PCDH15: variants seen among roughly 807,000 people sequenced by gnomAD.
The protein encoded by PCDH15 is protocadherin-15.
PCDH15 carries 129 observed loss-of-function variants against 178.5 expected under a neutral mutation model. The ratio of observed to expected loss-of-function variants is 0.72; its 90% CI spans 0.63 to 0.84. The LOEUF (loss-of-function observed/expected upper bound fraction) is 0.84, where lower values mean the gene tolerates loss of function less well. PCDH15 is among the 40% of genes least tolerant of loss of function. The pLI, the probability that PCDH15 is intolerant of heterozygous loss-of-function variation, is 0.00. For synonymous variants in PCDH15, 800 were observed against 732.0 expected (o/e 1.09, Z -1.50); for missense variants, 2,230 against 2,099.9 (o/e 1.06, Z -1.21).
chr10:54,870,781 C>G (rs370557904), intron 3 of PCDH15, among the ~76,000 whole-genome samples: 24 of 138,942 alleles, frequency 1.7e-4, no homozygotes, highest in African/African-American at 3.0e-4. Context: ...GAGAGACTCC[C>G]TCTCAAAAAA....
intron 8 of PCDH15, among the ~76,000 whole-genome samples, chr10:54,287,023 A>G (rs990997154): frequency 5.3e-5 from 8 of 152,216 alleles, no homozygotes; most frequent in African/African-American, 1.7e-4. Flanking sequence ...AAGATGAAAA[A>G]CAAACCAGTA....
chr10:54,498,728 C>G (rs2080360069), intron 3 of PCDH15, among the ~76,000 whole-genome samples: 1 of 152,020 alleles, frequency 6.6e-6, no homozygotes, highest in Admixed American at 6.6e-5. Context: ...TTCAATTCAG[C>G]AAGAAGACTT....
intron 1 of PCDH15, among the ~76,000 whole-genome samples, chr10:54,768,834 G>A (rs1948786289): frequency 6.6e-6 from 1 of 151,862 alleles, no homozygotes; most frequent in African/African-American, 2.4e-5. Flanking sequence ...CTTGTAAAGT[G>A]ATCTGCATTA....
chr10:54,909,960 C>T (rs1029347303), intron 2 of PCDH15, among the ~76,000 whole-genome samples: 6 of 152,150 alleles, frequency 3.9e-5, no homozygotes, highest in Non-Finnish European at 5.9e-5. Flanking sequence ...CTCTTCTCCC[C>T]GTTTTCCTGG....
intron 2 of PCDH15, among the ~76,000 whole-genome samples, chr10:55,445,655 A>G (rs1333452070): frequency 6.6e-6 from 1 of 152,124 alleles, no homozygotes; most frequent in Non-Finnish European, 1.5e-5. Context: ...AAATGAAAAT[A>G]CACAATTTAT....
At chr10:55,521,778 T>C (rs1841182103) in intron 2 of PCDH15, among the ~76,000 whole-genome samples, 1 of 151,890 alleles carries the variant, frequency 6.6e-6, no homozygotes, top group Admixed American at 6.6e-5. Context: ...ATATTGTAAG[T>C]CAAAACTGCA....
chr10:54,003,515 CA>C (rs1331497949), intron 20 of PCDH15, among the ~76,000 whole-genome samples: 1 of 151,642 alleles, frequency 6.6e-6, no homozygotes, highest in East Asian at 1.9e-4. Context: ...CAAGAAGAAA[CA>C]AATAAATTCC....
At chr10:54,655,414 TGTGTGTGTGGTGGG>T (rs2094380612) in intron 2 of PCDH15, 2 of 143,876 alleles carry the variant, frequency 1.4e-5, no homozygotes, top group African/African-American at 5.3e-5. Flanking sequence ...GGGTAAGGGG[TGTGTGTGTGGTGGG>T]GTGTGTGTGT....
chr10:53,867,857 G>C (rs955569169), intron 26 of PCDH15, among the ~76,000 whole-genome samples: 32 of 152,024 alleles, frequency 2.1e-4, no homozygotes, highest in Non-Finnish European at 4.0e-4. Context: ...ATTAGAGTTA[G>C]AATACTATCC....
At chr10:55,192,436 C>G (rs373552190) in intron 1 of PCDH15, among the ~76,000 whole-genome samples, 1 of 151,700 alleles carries the variant, frequency 6.6e-6, no homozygotes, top group African/African-American at 2.4e-5. Flanking sequence ...ATATTCCACA[C>G]GGAGGAAACC....
At chr10:54,507,896 C>T (rs1016632178) in intron 3 of PCDH15, among the ~76,000 whole-genome samples, 1 of 152,054 alleles carries the variant, frequency 6.6e-6, no homozygotes, top group Non-Finnish European at 1.5e-5. Flanking sequence ...TTAGGATACT[C>T]ATAGCACAAA....
At chr10:54,196,573 CAAAT>C (rs1220593575) in intron 10 of PCDH15, among the ~76,000 whole-genome samples, 7 of 152,280 alleles carry the variant, frequency 4.6e-5, no homozygotes, top group Non-Finnish European at 7.3e-5. Flanking sequence ...AAAAGTAACA[CAAAT>C]AAAGAACTAT....
At chr10:55,137,874 G>C (rs999075971) in intron 2 of PCDH15, among the ~76,000 whole-genome samples, 1 of 151,460 alleles carries the variant, frequency 6.6e-6, no homozygotes, top group African/African-American at 2.4e-5. Flanking sequence ...TTTTACTGTA[G>C]GTGATCCAAA....
intron 8 of PCDH15, among the ~76,000 whole-genome samples, chr10:54,291,257 A>T (rs1487127488): frequency 3.3e-5 from 5 of 152,328 alleles, no homozygotes; most frequent in Middle Eastern, 3.4e-3. Flanking sequence ...AGAAATAAAG[A>T]TGTTCTTTGA....
chr10:54,608,972 A>T (rs540103397), intron 2 of PCDH15, among the ~76,000 whole-genome samples: 2 of 152,248 alleles, frequency 1.3e-5, no homozygotes, highest in Admixed American at 6.5e-5. Context: ...TATGTGAGCA[A>T]AATATTATTA....
chr10:54,852,309 C>CA (rs1226176018), intron 3 of PCDH15, among the ~76,000 whole-genome samples: 1 of 152,092 alleles, frequency 6.6e-6, no homozygotes, highest in Non-Finnish European at 1.5e-5. Context: ...GGCAATAGCT[C>CA]ATCTCCACCC....
intron 2 of PCDH15, among the ~76,000 whole-genome samples, chr10:55,472,030 A>G (rs1474864709): frequency 3.9e-5 from 6 of 152,186 alleles, no homozygotes; most frequent in South Asian, 4.1e-4. Flanking sequence ...GCAGGCTACA[A>G]TAGGGTTTCT....
intron 1 of PCDH15, among the ~76,000 whole-genome samples, chr10:55,192,721 ATCTCTCTC>A (rs142101115): frequency 2.1e-5 from 3 of 146,144 alleles, no homozygotes; most frequent in Admixed American, 6.8e-5. Flanking sequence ...AGATGAAAGA[ATCTCTCTC>A]TCTCTCTCTC....
chr10:54,079,840 T>C (rs2094407988), intron 16 of PCDH15, among the ~76,000 whole-genome samples: 1 of 152,192 alleles, frequency 6.6e-6, no homozygotes, highest in Non-Finnish European at 1.5e-5. Context: ...GTCATATGTA[T>C]GTCCATTATG....
Sources: allele counts gnomAD v4.1 joint callset (sites outside exome capture counted in the v4.1 genomes callset), GRCh38; gene constraint gnomAD v4.1.1; transcripts MANE v1.5; gene names NCBI Gene and HGNC (gene_info 2026-07-23, HGNC 2026-07-21).